The following DOCK1 variants were observed in gnomAD, a reference collection of about 807,000 sequenced individuals.
The protein encoded by DOCK1 is dedicator of cytokinesis 1, also known as dedicator of cytokinesis protein 1.
Under a neutral mutation model 262.7 loss-of-function variants are expected in DOCK1, and 138 were observed. The ratio of observed to expected loss-of-function variants is 0.53; its 90% CI spans 0.46 to 0.61. The LOEUF (loss-of-function observed/expected upper bound fraction) is 0.61, where lower values mean the gene tolerates loss of function less well. Among genes scored for constraint, DOCK1 ranks in the 20% least tolerant of loss-of-function variants. DOCK1 has a pLI of 0.00. For missense variants in DOCK1, 1,908 were observed against 2,370.7 expected, an observed-to-expected ratio of 0.80 and a Z score of 4.05; for synonymous variants, 866 against 867.4, an observed-to-expected ratio of 1.00 and a Z score of 0.03.
intron 27 of DOCK1, chr10:127,138,050 C>T (rs1175959441): frequency 6.4e-7 from 1 of 1,566,720 alleles, no homozygotes; most frequent in Admixed American, 2.0e-5. Context: ...AAGACTTTAG[C>T]ATTTGATCTT....
chr10:127,350,194 G>A (rs974921452), intron 31 of DOCK1, among the ~76,000 whole-genome samples: 3 of 152,158 alleles, frequency 2.0e-5, no homozygotes, highest in Non-Finnish European at 4.4e-5. Context: ...ATATGTGCTG[G>A]TTAATACATG....
chr10:126,969,204 C>A (rs1188611498), intron 1 of DOCK1, among the ~76,000 whole-genome samples: 1 of 152,200 alleles, frequency 6.6e-6, no homozygotes, highest in Admixed American at 6.5e-5. Context: ...AGTATCCGGT[C>A]CTTATTTTGG....
At chr10:127,186,313 A>T (rs1013637204) in intron 27 of DOCK1, among the ~76,000 whole-genome samples, 5 of 152,176 alleles carry the variant, frequency 3.3e-5, no homozygotes, top group African/African-American at 1.2e-4. Flanking sequence ...CAGAAGGCAA[A>T]GGAGAAGCAG....
At chr10:126,913,265 A>G (rs1182985907) in intron 1 of DOCK1, among the ~76,000 whole-genome samples, 1 of 152,092 alleles carries the variant, frequency 6.6e-6, no homozygotes, top group Non-Finnish European at 1.5e-5. Flanking sequence ...ATATTCACAC[A>G]TCCTGCTTGG....
intron 23 of DOCK1, among the ~76,000 whole-genome samples, chr10:127,074,562 T>C (rs1447415395): frequency 1.3e-5 from 2 of 152,194 alleles, no homozygotes; most frequent in African/African-American, 2.4e-5. Context: ...ACATTCAATA[T>C]GGTACATTGA....
chr10:127,439,994 G>A (rs1281196707), intron 49 of DOCK1, among the ~76,000 whole-genome samples: 1 of 152,142 alleles, frequency 6.6e-6, no homozygotes, highest in African/African-American at 2.4e-5. Flanking sequence ...GAATAACTGA[G>A]CCTGCGTCAT....
intron 27 of DOCK1, chr10:127,196,042 C>G (rs772802289): frequency 6.6e-6 from 1 of 152,102 alleles, no homozygotes; most frequent in East Asian, 1.9e-4. Context: ...GCGCCTGGCT[C>G]GGGCATGTCT....
At chr10:127,207,173 A>C (rs544609172) in intron 27 of DOCK1, among the ~76,000 whole-genome samples, 1 of 152,330 alleles carries the variant, frequency 6.6e-6, no homozygotes, top group South Asian at 2.1e-4. Context: ...ATTTATGCCA[A>C]CCAGTTCTTG....
intron 27 of DOCK1, among the ~76,000 whole-genome samples, chr10:127,133,270 A>G (rs2050433694): frequency 6.6e-6 from 1 of 152,194 alleles, no homozygotes; most frequent in Admixed American, 6.5e-5. Flanking sequence ...ATAACCAAAT[A>G]TTTTCACAAA....
intron 1 of DOCK1, among the ~76,000 whole-genome samples, chr10:126,927,579 G>T (rs1366401825): frequency 6.6e-6 from 1 of 152,008 alleles, no homozygotes; most frequent in Non-Finnish European, 1.5e-5. Flanking sequence ...TAGAATAACA[G>T]GTGCCCATCA....
chr10:127,202,895 A>G (rs913026540), intron 27 of DOCK1, among the ~76,000 whole-genome samples: 4 of 152,174 alleles, frequency 2.6e-5, no homozygotes, highest in Non-Finnish European at 4.4e-5. Flanking sequence ...ACAGATTCTG[A>G]CCAAAAATGC....
chr10:127,381,406 T>C, intron 37 of DOCK1, 38 bp downstream of exon 37: 2 of 1,558,424 alleles, frequency 1.3e-6, no homozygotes, highest in Non-Finnish European at 8.8e-7. Flanking sequence ...GATTCTATTG[T>C]TATAAATTCT....
intron 27 of DOCK1, among the ~76,000 whole-genome samples, chr10:127,246,448 A>G (rs1225475571): frequency 6.6e-6 from 1 of 152,244 alleles, no homozygotes; most frequent in East Asian, 1.9e-4. Context: ...ATACAAAGGC[A>G]GCCTTTCTTG....
chr10:127,054,086 T>C (rs577518563), intron 22 of DOCK1, among the ~76,000 whole-genome samples: 62 of 152,328 alleles, frequency 4.1e-4, no homozygotes, highest in African/African-American at 1.4e-3. Context: ...GAATTGAAAG[T>C]GTGGGCCCAC....
chr10:127,218,056 ATAT>A (rs2058287381), intron 27 of DOCK1, among the ~76,000 whole-genome samples: 1 of 152,104 alleles, frequency 6.6e-6, no homozygotes, highest in Non-Finnish European at 1.5e-5. Flanking sequence ...GCTGTTCTAA[ATAT>A]CTGATAAAAT....
At chr10:126,982,047 G>C in intron 4 of DOCK1, 74 bp downstream of exon 4, 1 of 1,514,236 alleles carries the variant, frequency 6.6e-7, no homozygotes, top group Non-Finnish European at 9.1e-7. Flanking sequence ...TTGTACGATG[G>C]CGTAATATGA....
intron 23 of DOCK1, among the ~76,000 whole-genome samples, chr10:127,085,724 C>T (rs2047157778): frequency 6.6e-6 from 1 of 152,022 alleles, no homozygotes; most frequent in African/African-American, 2.4e-5. Flanking sequence ...CGCCACTGCA[C>T]TCCAGCCTGG....
rs1235944304 is a variant in DOCK1, at chr10:127,110,109, C to G, written c.2517-139C>G. On this transcript the variant is annotated intron_variant, in intron 24 of 51. Coordinates refer to ENST00000623213, the MANE Select transcript of DOCK1 (RefSeq NM_001290223.2). Reference sequence around the variant, plus strand: ...TCATTTCTTGGAATGAGTTATTGACCCCATAGTGCATGAGAGGCTGTGTTG... The same window carrying G: ...TCATTTCTTGGAATGAGTTATTGACGCCATAGTGCATGAGAGGCTGTGTTG... The G allele has an allele frequency of 1.3e-5, 9 of 678,390 alleles. No individual in the cohort carries two copies. In the East Asian group the frequency reaches 1.6e-4, roughly 12 times the overall value. The allele number at this position is 678,390 out of a possible 1,614,324, so 42.0% of individuals were successfully genotyped here.
chr10:127,032,338 A>T lies in DOCK1; in HGVS notation c.1912+18A>T, dbSNP rs2043297193. 2 of 1,496,828 alleles carry T rather than the reference A, an allele frequency of 1.3e-6. No homozygotes were observed. Among genetic ancestry groups the T allele is most frequent in the African/African-American group, 2.8e-5 (2 of 70,768 alleles). 92.7% of individuals were successfully genotyped at this position (1,496,828 alleles called of 1,614,324 possible). On this transcript the variant is annotated intron_variant, in intron 18 of 51. Coordinates refer to ENST00000623213, the MANE Select transcript of DOCK1 (RefSeq NM_001290223.2). ...TCAGAACGGTGCGTTCGAGAGGAGA[A>T]ACACACTCACCCCAGGAGCTCTGCC...
Sources: gnomAD v4.1 joint callset for allele counts (sites outside exome capture counted in the v4.1 genomes callset) on GRCh38, gnomAD v4.1.1 for gene constraint, MANE v1.5 for transcripts, NCBI Gene and HGNC (gene_info 2026-07-23, HGNC 2026-07-21) for gene names.